Variants in PLS3 observed in about 807,000 individuals in gnomAD.
PLS3 encodes the protein plastin 3.
PLS3 carries 11 observed loss-of-function variants against 46.5 expected under a neutral mutation model. That is an observed-to-expected ratio of 0.24 (90% confidence interval 0.15 to 0.39). The LOEUF (loss-of-function observed/expected upper bound fraction) is 0.39, where lower values mean the gene tolerates loss of function less well. PLS3 is among the 10% of genes least tolerant of loss of function. PLS3 has a pLI of 1.00. For missense variants in PLS3, 308 were observed against 461.8 expected (o/e 0.67, Z 3.05); for synonymous variants, 167 against 162.2 (o/e 1.03, Z -0.22).
At chrX:115,625,106 G>A (rs2074697071) in intron 3 of PLS3, among the ~76,000 whole-genome samples, 1 of 111,593 alleles carries the variant, frequency 9.0e-6, no homozygotes, top group Admixed American at 9.6e-5. Context: ...CTTACAAATT[G>A]TCAAACAAAA....
intron 1 of PLS3, among the ~76,000 whole-genome samples, chrX:115,562,931 T>C (rs2074149270): frequency 9.0e-6 from 1 of 111,514 alleles, no homozygotes; most frequent in African/African-American, 3.3e-5. Context: ...AATTTGGTGC[T>C]CAGCTTTTAT....
chrX:115,611,745 T>C (rs2074550417), intron 2 of PLS3, among the ~76,000 whole-genome samples: 1 of 111,830 alleles, frequency 8.9e-6, no homozygotes. Flanking sequence ...AGATATTGTT[T>C]ACCTGATGAG....
chrX:115,612,680 G>T (rs960060829), intron 2 of PLS3, among the ~76,000 whole-genome samples: 1 of 111,151 alleles, frequency 9.0e-6, no homozygotes, highest in Non-Finnish European at 1.9e-5. Flanking sequence ...CATAGCGTGT[G>T]GAGAAAATCT....
At chrX:115,581,446 C>G (rs1439040148) in intron 1 of PLS3, among the ~76,000 whole-genome samples, 1 of 111,833 alleles carries the variant, frequency 8.9e-6, no homozygotes, top group Non-Finnish European at 1.9e-5. Context: ...TTACAAAAAG[C>G]ATCTGATAAA....
chrX:115,617,856 G>A (rs2074611560), intron 2 of PLS3, among the ~76,000 whole-genome samples: 1 of 112,059 alleles, frequency 8.9e-6, no homozygotes, highest in African/African-American at 3.2e-5. Flanking sequence ...TCTAATTAAT[G>A]TTCAAGAGAG....
intron 15 of PLS3, among the ~76,000 whole-genome samples, chrX:115,649,123 T>C (rs1437837073): frequency 8.9e-6 from 1 of 111,749 alleles, no homozygotes; most frequent in Non-Finnish European, 1.9e-5. Context: ...ATGGATTGTA[T>C]AGACAGCCTA....
intron 1 of PLS3, among the ~76,000 whole-genome samples, chrX:115,582,616 A>T (rs1170990304): frequency 1.8e-5 from 2 of 112,559 alleles, no homozygotes; most frequent in African/African-American, 6.4e-5. Flanking sequence ...AGCCAATCTT[A>T]AGGATAAATC....
chrX:115,644,003 G>A (rs2895155), intron 10 of PLS3, among the ~76,000 whole-genome samples: 12,866 of 110,653 alleles, frequency 0.12, 1,163 homozygotes, highest in African/African-American at 0.31. Flanking sequence ...AAAAGTAGTC[G>A]AGTCGCTTAA....
intron 13 of PLS3, among the ~76,000 whole-genome samples, chrX:115,647,293 C>T (rs781842098): frequency 8.1e-5 from 9 of 110,540 alleles, no homozygotes; most frequent in African/African-American, 2.6e-4. Flanking sequence ...ATTAGCCGGG[C>T]GTGGTGGTGG....
chrX:115,569,796 T>C (rs1556630490), intron 1 of PLS3, among the ~76,000 whole-genome samples: 1 of 111,762 alleles, frequency 8.9e-6, no homozygotes, highest in African/African-American at 3.3e-5. Flanking sequence ...GACCCAGAAG[T>C]GACTTGGAAG....
chrX:115,633,504 C>A (rs2074799492), intron 5 of PLS3, among the ~76,000 whole-genome samples: 1 of 109,742 alleles, frequency 9.1e-6, no homozygotes. Context: ...ATTTATTTTT[C>A]TTTTGAGACG....
intron 10 of PLS3, among the ~76,000 whole-genome samples, 179 bp downstream of exon 10, chrX:115,643,687 G>A (rs1330123588): frequency 8.9e-6 from 1 of 112,017 alleles, no homozygotes; most frequent in African/African-American, 3.2e-5. Flanking sequence ...TAAAGTAGTC[G>A]AGGCCGGGCA....
intron 8 of PLS3, among the ~76,000 whole-genome samples, chrX:115,638,277 AT>A (rs1238613501): frequency 1.8e-5 from 2 of 111,218 alleles, no homozygotes; most frequent in East Asian, 5.6e-4. Context: ...CGCCTGGTTA[AT>A]TTTTGTATTT....
At chrX:115,645,168 T>C (rs1303921514) in intron 11 of PLS3, 69 bp downstream of exon 11, 1 of 651,752 alleles carries the variant, frequency 1.5e-6, no homozygotes, top group African/African-American at 2.2e-5. Flanking sequence ...ATGACAGCTC[T>C]AAAGATTTTC....
chrX:115,594,773 A>AAT (rs2074373268), intron 1 of PLS3, among the ~76,000 whole-genome samples: 1 of 110,520 alleles, frequency 9.0e-6, no homozygotes, highest in Admixed American at 9.7e-5. Context: ...AACTGGTGGA[A>AAT]ATACTTCTTA....
chrX:115,622,382 G>A lies in PLS3; in HGVS notation c.210G>A (p.Gly70=). Residue 70 remains glycine, a synonymous_variant, in exon 3 of 16, where the codon GGG becomes GGA. Coordinates refer to ENST00000355899, the MANE Select transcript of PLS3 (RefSeq NM_005032.7). ...TGGATGGTGACAGGAATAAAGATGG[G>A]AAAATAAGTTTTGACGAATTTGTTT... ...LMLDGDRNKD[G]KISFDEFVYI... is the part of the protein sequence containing the mutation. 8 of 1,188,334 alleles carry A rather than the reference G, an allele frequency of 6.7e-6. No individual in the cohort carries two copies. The highest frequency in any genetic ancestry group is 8.0e-6 in the Non-Finnish European group (7 of 879,655).
chrX:115,600,316 G>A (rs1556634393), intron 1 of PLS3, among the ~76,000 whole-genome samples: 1 of 107,581 alleles, frequency 9.3e-6, no homozygotes, highest in Non-Finnish European at 1.9e-5. Flanking sequence ...TTTAAGAGAA[G>A]GAGTCTCGCT....
intron 3 of PLS3, among the ~76,000 whole-genome samples, chrX:115,623,679 A>G (rs782281593): frequency 2.7e-5 from 3 of 111,968 alleles, no homozygotes; most frequent in Middle Eastern, 9.3e-3. Flanking sequence ...ATCACAAACT[A>G]GTTATCAGTG....
chrX:115,572,185 C>T (rs1556630787), intron 1 of PLS3, among the ~76,000 whole-genome samples: 1 of 111,302 alleles, frequency 9.0e-6, no homozygotes, highest in Non-Finnish European at 1.9e-5. Context: ...TTAGTTGACA[C>T]TCAGATAAAA....
Sources: gnomAD v4.1 joint callset for allele counts (sites outside exome capture counted in the v4.1 genomes callset) on GRCh38, gnomAD v4.1.1 for gene constraint, MANE v1.5 for transcripts, NCBI Gene and HGNC (gene_info 2026-07-23, HGNC 2026-07-21) for gene names.